Variants in LENG8 observed in about 807,000 individuals in gnomAD.
The protein encoded by LENG8 is leukocyte receptor cluster member 8.
LENG8 carries 28 observed loss-of-function variants against 102.1 expected under a neutral mutation model. The ratio of observed to expected loss-of-function variants is 0.27; its 90% CI spans 0.20 to 0.38. LENG8 has a LOEUF of 0.38. Among genes scored for constraint, LENG8 ranks in the 10% least tolerant of loss-of-function variants. The pLI is 1.00. For synonymous variants in LENG8, 531 were observed against 456.7 expected (o/e 1.16, Z -2.07); for missense variants, 1,022 against 1,113.9 (o/e 0.92, Z 1.17).
At chr19:54,451,435 A>T in intron 2 of LENG8, 53 bp downstream of exon 2, 1 of 1,576,506 alleles carries the variant, frequency 6.3e-7, no homozygotes, top group Non-Finnish European at 8.7e-7. Context: ...AGGAAGCAAG[A>T]CCCAGTGCTG....
At position 54,452,083 on chromosome 19, in the gene LENG8, C is replaced by T. The variant is rs1462383043; in HGVS notation, c.39-10C>T. 3 of 1,602,374 alleles carry T rather than the reference C, an allele frequency of 1.9e-6. No homozygotes were observed. Among genetic ancestry groups the T allele is most frequent in the Non-Finnish European group, 2.6e-6 (3 of 1,171,164 alleles). ...GAACAGGTGTGACTTGATGTCCTCT[C>T]TCTCTGCAGGTCTTCTCAGTACAGC... On this transcript the variant is annotated splice_polypyrimidine_tract_variant and intron_variant, in intron 2 of 15. Coordinates refer to ENST00000326764, the MANE Select transcript of LENG8 (RefSeq NM_052925.4).
chr19:54,460,718 T>TGGC, intron 15 of LENG8, 48 bp from the exon 16 acceptor site: 1 of 1,048,028 alleles, frequency 9.5e-7, no homozygotes, highest in Non-Finnish European at 1.3e-6. Flanking sequence ...GGCCCTCCCC[T>TGGC]GCCCTCCCGC....
rs1389248143 is a variant in LENG8 at position 54,456,493 on chromosome 19, G to A, written c.1445+28G>A. 10 of 1,581,482 alleles carry A rather than the reference G, an allele frequency of 6.3e-6. No homozygotes were observed. The East Asian group carries it at 6.8e-5, about 11-fold the overall frequency. The stretch of plus-strand genomic sequence containing the variant: ...GAGACTGTGTGAGGGCTCGACACAC[G>A]GGCCAGGGTGGAGGAGGGTACTGGG... On this transcript the variant is annotated intron_variant, in intron 10 of 15. Coordinates refer to ENST00000326764, the MANE Select transcript of LENG8 (RefSeq NM_052925.4).
intron 1 of LENG8, 63 bp from the exon 2 acceptor site, chr19:54,451,227 C>G (rs2083945168): frequency 1.9e-6 from 2 of 1,077,314 alleles, no homozygotes; most frequent in Admixed American, 3.5e-5. Context: ...ACTTTTCTTC[C>G]CCACTTTGTG....
chr19:54,457,430 C>G (rs1462764999), intron 11 of LENG8, among the ~76,000 whole-genome samples: 1 of 152,162 alleles, frequency 6.6e-6, no homozygotes, highest in Non-Finnish European at 1.5e-5. Context: ...AGCCTCCGCT[C>G]CCCGGCTTCA....
chr19:54,454,957 C>A lies in LENG8; in HGVS notation c.686C>A (p.Pro229His). The change falls in exon 7 of 16, where the codon CCT (proline) becomes CAT (histidine). Residue 229 changes from proline to histidine, a missense_variant. Pro to His is a moderately conservative substitution (Grantham distance 77). This residue lies in a region of LENG8 where 343 missense variants were observed against 320.2 expected (regional missense o/e 1.07). Coordinates refer to ENST00000326764, the MANE Select transcript of LENG8 (RefSeq NM_052925.4). The stretch of plus-strand genomic sequence containing the variant: ...GCTTTCGCTGCCCTCACAGCCGCCC[C>A]TGGGACTGGAGGTCTCAAGTTCAAC... ...QQLWNRMKPA[P>H]GTGGLKFNIQ... The A allele has an allele frequency of 1.9e-6, 3 of 1,614,210 alleles. No individual in the cohort carries two copies. Among genetic ancestry groups the A allele is most frequent in the Non-Finnish European group, 2.5e-6 (3 of 1,180,036 alleles).
In LENG8 at chr19:54,454,521, C is replaced by A. The variant is rs559351094; in HGVS notation, c.518C>A (p.Pro173Gln). The A allele has an allele frequency of 2.7e-4, 433 of 1,613,970 alleles. 4 individuals are homozygous for A. In the South Asian group the frequency reaches 4.5e-3, roughly 17 times the overall value. ...SAQPPQPSNP[P>Q]HGAHTLNSGP... Reference sequence around the variant, plus strand: ...CAGCCCCCTCAGCCCTCAAATCCCCCACATGGGGCTCACACGCTGAACAGT... The same window carrying A: ...CAGCCCCCTCAGCCCTCAAATCCCCAACATGGGGCTCACACGCTGAACAGT... The change falls in exon 6 of 16, where the codon CCA becomes CAA. Residue 173 changes from proline (P) to glutamine (Q), a missense_variant. Coordinates refer to ENST00000326764, the MANE Select transcript of LENG8 (RefSeq NM_052925.4).
At chr19:54,454,028 C>T (rs1199697595) in intron 5 of LENG8, among the ~76,000 whole-genome samples, 2 of 152,148 alleles carry the variant, frequency 1.3e-5, no homozygotes, top group Non-Finnish European at 2.9e-5. Flanking sequence ...AATTACGCAT[C>T]TCGGTCAGCT....
chr19:54,457,517 T>C (rs2084312553), intron 11 of LENG8, among the ~76,000 whole-genome samples: 1 of 152,146 alleles, frequency 6.6e-6, no homozygotes, highest in Non-Finnish European at 1.5e-5. Context: ...ATTTTTGTAT[T>C]TTTAGTAGAG....
At chr19:54,451,884 A>G (rs2123067630) in intron 2 of LENG8, 1 of 517,584 alleles carries the variant, frequency 1.9e-6, no homozygotes, top group South Asian at 3.2e-5. Context: ...GCTCTGGGAT[A>G]AGTACCTTAA....
chr19:54,453,751 G>A, intron 5 of LENG8, 95 bp downstream of exon 5: 1 of 859,412 alleles, frequency 1.2e-6, no homozygotes, highest in South Asian at 1.6e-5. Flanking sequence ...TACTCCTTAA[G>A]CTGCTTTTTT....
At chr19:54,451,243 T>G (rs1599953697) in intron 1 of LENG8, 47 bp from the exon 2 acceptor site, 1 of 1,254,590 alleles carries the variant, frequency 8.0e-7, no homozygotes, top group Non-Finnish European at 1.2e-6. Flanking sequence ...TTGTGACGTG[T>G]TTTTAGCTCC....
At chr19:54,453,740 G>A (rs1011542659) in intron 5 of LENG8, 84 bp downstream of exon 5, 2 of 949,404 alleles carry the variant, frequency 2.1e-6, no homozygotes, top group Non-Finnish European at 3.3e-6. Context: ...GGAATGGCTT[G>A]TACTCCTTAA....
At position 54,454,611 on chromosome 19, in the gene LENG8, C is replaced by T. The variant is rs997709495; in HGVS notation, c.608C>T (p.Ala203Val). ...CAGGCGGGGCCCGCCACGGGCCAGGCCTATGGGCCACACACCTACACCGAA... is the reference window on the plus strand; with the variant it reads ...CAGGCGGGGCCCGCCACGGGCCAGGTCTATGGGCCACACACCTACACCGAA... The part of the protein sequence containing the change: ...HSQAGPATGQ[A>V]YGPHTYTEPA... The change falls in exon 6 of 16, where the codon GCC (alanine) becomes GTC (valine). Residue 203 changes from alanine to valine, a missense_variant. Physicochemically the swap from Ala to Val is moderately conservative, Grantham distance 64 (BLOSUM62 0). Coordinates refer to ENST00000326764, the MANE Select transcript of LENG8 (RefSeq NM_052925.4). 1 of 1,610,586 alleles carries T rather than the reference C, an allele frequency of 6.2e-7. No homozygotes were observed. Among genetic ancestry groups the T allele is most frequent in the Admixed American group, 1.7e-5 (1 of 59,876 alleles).
In LENG8 at chr19:54,456,330, C is replaced by T. The variant is rs752390851; in HGVS notation, c.1310C>T (p.Ser437Phe). The change falls in exon 10 of 16, where the codon TCC (serine) becomes TTC (phenylalanine). Residue 437 changes from serine to phenylalanine, a missense_variant. This residue lies in a region of LENG8 where 326 missense variants were observed against 324.5 expected (regional missense o/e 1.00). Transcript: ENST00000326764. Reference protein sequence around the residue: ...SPTRHFRRSDSHSDSDSSYSG... With the variant: ...SPTRHFRRSDFHSDSDSSYSG... ...CCTCCTGCTTCTTCCTGCAGTGACT[C>T]CCACTCAGACTCCGACAGCTCCTAC... is the stretch of plus-strand genomic sequence containing the variant. The T allele has an allele frequency of 2.5e-6, 4 of 1,614,038 alleles. No individual in the cohort carries two copies. The highest frequency in any genetic ancestry group is 3.3e-5 in the Admixed American group (2 of 60,022).
chr19:54,452,496 G>A lies in LENG8; in HGVS notation c.214-155G>A, dbSNP rs531290391. Among the ~76,000 whole-genome samples the A allele has an allele frequency of 2.6e-5, 4 of 152,336 alleles. No homozygotes were observed. In the South Asian group the frequency reaches 6.2e-4, roughly 24 times the overall value. On this transcript the variant is annotated intron_variant, in intron 3 of 15. Coordinates refer to ENST00000326764, the MANE Select transcript of LENG8 (RefSeq NM_052925.4). Reference sequence around the variant, plus strand: ...CCCATGCCCCTGGTCTCTAACGTGCGTGAGTCTCATGGTAGAGACAGTGGC... The same window carrying A: ...CCCATGCCCCTGGTCTCTAACGTGCATGAGTCTCATGGTAGAGACAGTGGC...
rs2084274733 is a variant in LENG8, at chr19:54,456,825, G to C, written c.1635G>C (p.Trp545Cys). 1 of 1,610,872 alleles carries C rather than the reference G, an allele frequency of 6.2e-7. No homozygotes were observed. The highest frequency in any genetic ancestry group is 8.5e-7 in the Non-Finnish European group (1 of 1,179,648). Residue 545 changes from tryptophan (W) to cysteine (C), a missense_variant, in exon 11 of 16, where the codon TGG (tryptophan) becomes TGC (cysteine). Around this residue, in one of 7 missense-constraint regions of LENG8, gnomAD observed 326 missense variants for 324.5 expected, o/e 1.00. Transcript: ENST00000326764. ...AGAGCAGTGGGGCTGACCCTGACTG[G>C]CAGGAGCTGCAGATCGTGGGCACCT... ...SLESSGADPD[W>C]QELQIVGTCP...
chr19:54,460,605 G>T (rs867560696), intron 15 of LENG8, 161 bp from the exon 16 acceptor site: 3 of 1,364,486 alleles, frequency 2.2e-6, no homozygotes, highest in African/African-American at 3.1e-5. Flanking sequence ...GGCCCCCCCC[G>T]AGCCCCTGAG....
intron 7 of LENG8, 133 bp from the exon 8 acceptor site, chr19:54,455,231 G>A: frequency 6.7e-7 from 1 of 1,482,588 alleles, no homozygotes; most frequent in South Asian, 1.2e-5. Flanking sequence ...CTTGGGGGTT[G>A]CTGTGAGCAC....
Sources: gnomAD v4.1 joint callset for allele counts (sites outside exome capture counted in the v4.1 genomes callset) on GRCh38, gnomAD v4.1.1 for gene constraint, gnomAD v4.1.1 regional missense constraint, MANE v1.5 for transcripts, NCBI Gene and HGNC (gene_info 2026-07-23, HGNC 2026-07-21) for gene names.